The following CPA6 variants were observed in gnomAD, a reference collection of about 807,000 sequenced individuals.
The protein encoded by CPA6 is carboxypeptidase B.
CPA6 carries 58 observed loss-of-function variants against 63.3 expected under a neutral mutation model. The ratio of observed to expected loss-of-function variants is 0.92; its 90% CI spans 0.74 to 1.14. The LOEUF (loss-of-function observed/expected upper bound fraction) is 1.14, where lower values mean the gene tolerates loss of function less well. Ranked by LOEUF, CPA6 falls within the 50% of genes most tolerant of loss-of-function variation. The probability of loss-of-function intolerance (pLI) is 0.00; values close to 1 mark genes in which losing one functional copy is unlikely to be tolerated. For missense variants in CPA6, 565 were observed against 526.6 expected (o/e 1.07, Z -0.71); for synonymous variants, 185 against 179.0 (o/e 1.03, Z -0.27).
rs549090104 is a variant in CPA6 at position 67,740,361 on chromosome 8, G to A, written c.116+5653C>T. ...TCCAAAAGCTCAGAGAACATTCAAA[G>A]GAAGCCACCATCAGGACATAAAAGA... On this transcript the variant is annotated intron_variant, in intron 1 of 10. Transcript: ENST00000297770. 3.4e-4 allele frequency among the ~76,000 whole-genome samples: 52 copies of A among 152,276 alleles called. No individual in the cohort carries two copies. In the South Asian group the frequency reaches 5.8e-3, roughly 17 times the overall value.
At chr8:67,596,228 C>T (rs2128982354) in intron 2 of CPA6, among the ~76,000 whole-genome samples, 1 of 152,232 alleles carries the variant, frequency 6.6e-6, no homozygotes, top group Middle Eastern at 3.4e-3. Flanking sequence ...ATGAACTCTC[C>T]CAGTTTTGTC....
chr8:67,631,236 G>T (rs1023801123), intron 1 of CPA6, among the ~76,000 whole-genome samples: 1 of 152,188 alleles, frequency 6.6e-6, no homozygotes, highest in South Asian at 2.1e-4. Flanking sequence ...TGGCATATGC[G>T]CCAATCAGCA....
In CPA6 at chr8:67,422,404, A is replaced by G. The variant is rs1587406840; in HGVS notation, c.*100T>C. The G allele has an allele frequency of 1.0e-6, 1 of 1,003,380 alleles. No homozygotes were observed. Among genetic ancestry groups the G allele is most frequent in the Non-Finnish European group, 1.5e-6 (1 of 672,268 alleles). The allele number at this position is 1,003,380 out of a possible 1,614,324, so 62.2% of individuals were successfully genotyped here. Reference sequence around the variant, plus strand: ...CTTTTTAAAGTCCATAGACATGTTCACTCTAAGCAGCTGCCCTTCTCTTTG... The same window carrying G: ...CTTTTTAAAGTCCATAGACATGTTCGCTCTAAGCAGCTGCCCTTCTCTTTG... On this transcript the variant is annotated 3_prime_UTR_variant, in exon 11 of 11. Transcript: ENST00000297770.
intron 6 of CPA6, among the ~76,000 whole-genome samples, chr8:67,493,875 C>T (rs1250346611): frequency 6.6e-6 from 1 of 151,966 alleles, no homozygotes; most frequent in Non-Finnish European, 1.5e-5. Context: ...TCTAGGAGAA[C>T]TTTCCATTTC....
chr8:67,688,431 G>A (rs948689641), intron 1 of CPA6, among the ~76,000 whole-genome samples: 6 of 152,092 alleles, frequency 3.9e-5, no homozygotes, highest in South Asian at 2.1e-4. Flanking sequence ...CAAAGGGAAC[G>A]CTCCTTATTA....
At chr8:67,655,251 T>C (rs1421662335) in intron 1 of CPA6, among the ~76,000 whole-genome samples, 1 of 152,124 alleles carries the variant, frequency 6.6e-6, no homozygotes, top group Non-Finnish European at 1.5e-5. Context: ...ACTTTACAAA[T>C]TTATATACTG....
intron 8 of CPA6, among the ~76,000 whole-genome samples, chr8:67,442,671 C>T (rs535369699): frequency 1.1e-4 from 16 of 152,256 alleles, no homozygotes; most frequent in African/African-American, 2.2e-4. Flanking sequence ...TTATTTATGA[C>T]GCAAAGGAGC....
chr8:67,710,142 T>C lies in CPA6; in HGVS notation c.116+35872A>G, dbSNP rs138510057. On this transcript the variant is annotated intron_variant, in intron 1 of 10. Coordinates refer to ENST00000297770, the MANE Select transcript of CPA6 (RefSeq NM_020361.5). ...AAAAAAAAGATTTTCTGATTGGAAA[T>C]TTGTTAAAAGAATTAAGCTTTGTCT... Among the ~76,000 whole-genome samples the C allele has an allele frequency of 2.0e-3, 300 of 151,728 alleles. 3 individuals are homozygous for C. Among genetic ancestry groups the C allele is most frequent in the South Asian group, 0.012 (56 of 4,800 alleles).
At chr8:67,533,828 A>C (rs1812527322) in intron 2 of CPA6, among the ~76,000 whole-genome samples, 1 of 152,048 alleles carries the variant, frequency 6.6e-6, no homozygotes, top group Non-Finnish European at 1.5e-5. Flanking sequence ...TTCCCTTCTT[A>C]CTCTGAAGCA....
At chr8:67,460,814 G>A (rs1251352155) in intron 8 of CPA6, among the ~76,000 whole-genome samples, 1 of 152,092 alleles carries the variant, frequency 6.6e-6, no homozygotes, top group African/African-American at 2.4e-5. Flanking sequence ...TTTTGAATCA[G>A]TGTAAAACTG....
chr8:67,695,441 T>C (rs1816896012), intron 1 of CPA6, among the ~76,000 whole-genome samples: 1 of 152,228 alleles, frequency 6.6e-6, no homozygotes, highest in African/African-American at 2.4e-5. Flanking sequence ...GATAGCATTT[T>C]GTTATTACCC....
At chr8:67,507,939 T>A (rs886651540) in intron 5 of CPA6, among the ~76,000 whole-genome samples, 4 of 151,584 alleles carry the variant, frequency 2.6e-5, no homozygotes, top group African/African-American at 7.3e-5. Context: ...AAGCTCAAAG[T>A]GGATTCCCTG....
intron 1 of CPA6, among the ~76,000 whole-genome samples, chr8:67,672,998 A>G (rs1322973445): frequency 6.6e-6 from 1 of 152,180 alleles, no homozygotes; most frequent in Non-Finnish European, 1.5e-5. Context: ...ATTCTACTGT[A>G]AGAAACAATG....
chr8:67,422,521 G>C lies in CPA6; in HGVS notation c.1297C>G (p.Leu433Val), dbSNP rs1297350982. 1 of 1,613,978 alleles carries C rather than the reference G, an allele frequency of 6.2e-7. No homozygotes were observed. Among genetic ancestry groups the C allele is most frequent in the South Asian group, 1.1e-5 (1 of 91,066 alleles). Residue 433 changes from leucine (L) to valine (V), a missense_variant, in exon 11 of 11, where the codon CTA (leucine) becomes GTA (valine). Leu to Val is a conservative substitution (Grantham distance 32, BLOSUM62 1). Transcript: ENST00000297770. ...GGGCTGTCTCAGGGACATTTCTTTA[G>C]CAGGTGCATTGTGATATTTTTCACA... is the stretch of plus-strand genomic sequence containing the variant. ...LAVKNITMHL[L>V]KKCP
intron 1 of CPA6, among the ~76,000 whole-genome samples, chr8:67,667,494 C>T (rs1177058330): frequency 6.6e-6 from 1 of 152,084 alleles, no homozygotes. Flanking sequence ...TTCAACTTCC[C>T]CGCTAAAAGT....
chr8:67,710,524 G>A lies in CPA6; in HGVS notation c.116+35490C>T, dbSNP rs138636533. Among the ~76,000 whole-genome samples, 449 of 151,704 alleles carry A rather than the reference G, an allele frequency of 3.0e-3. 5 individuals are homozygous for A. The highest frequency in any genetic ancestry group is 0.01 in the African/African-American group (433 of 41,388). ...TTCTGTCTGCTATCTGGCATGTGATGTTATACCAGAGTCAGGTTGGAATTT... is the reference window on the plus strand; with the variant it reads ...TTCTGTCTGCTATCTGGCATGTGATATTATACCAGAGTCAGGTTGGAATTT... On this transcript the variant is annotated intron_variant, in intron 1 of 10. Coordinates refer to ENST00000297770, the MANE Select transcript of CPA6 (RefSeq NM_020361.5).
intron 2 of CPA6, among the ~76,000 whole-genome samples, chr8:67,540,944 T>C (rs1042241333): frequency 3.9e-5 from 6 of 152,176 alleles, no homozygotes; most frequent in African/African-American, 1.2e-4. Context: ...CTGGGCTCCA[T>C]GGGGGTGGGA....
intron 2 of CPA6, among the ~76,000 whole-genome samples, chr8:67,578,289 T>A (rs1158824494): frequency 6.6e-6 from 1 of 152,180 alleles, no homozygotes; most frequent in Non-Finnish European, 1.5e-5. Context: ...AATAATGCAG[T>A]ATATCAGCTG....
chr8:67,429,912 C>T (rs1809982761), intron 9 of CPA6, among the ~76,000 whole-genome samples: 2 of 152,124 alleles, frequency 1.3e-5, no homozygotes, highest in Admixed American at 6.5e-5. Context: ...CACTTGGGTA[C>T]TGGTGCGTGT....
Sources: gnomAD v4.1 joint callset for allele counts (sites outside exome capture counted in the v4.1 genomes callset) on GRCh38, gnomAD v4.1.1 for gene constraint, MANE v1.5 for transcripts, NCBI Gene and HGNC (gene_info 2026-07-23, HGNC 2026-07-21) for gene names.